Variants in ROS1 observed in about 807,000 individuals in gnomAD.
The protein encoded by ROS1 is proto-oncogene tyrosine-protein kinase ROS.
Under a neutral mutation model 273.5 loss-of-function variants are expected in ROS1, and 263 were observed. The observed-to-expected ratio is 0.96, with a 90% CI of 0.87 to 1.06. ROS1 has a LOEUF of 1.06. Ranked by LOEUF, ROS1 falls within the 50% of genes least tolerant of loss-of-function variation. The pLI, the probability that ROS1 is intolerant of heterozygous loss-of-function variation, is 0.00. For missense variants in ROS1, 2,833 were observed against 2,751.1 expected (o/e 1.03, Z -0.67); for synonymous variants, 1,008 against 954.1 (o/e 1.06, Z -1.04).
chr6:117,418,876 G>A lies in ROS1; in HGVS notation c.124-370C>T, dbSNP rs561241412. ...TTTCCTTTTTAAAATTAAGAGCAGG[G>A]AGAAAATGCAAATTGGTATGTAGTA... On this transcript the variant is annotated intron_variant, in intron 1 of 43. Coordinates refer to ENST00000368507, the MANE Select transcript of ROS1 (RefSeq NM_001378902.1). Among the ~76,000 whole-genome samples, 13 of 152,240 alleles carry A rather than the reference G, an allele frequency of 8.5e-5. No homozygotes were observed. In the South Asian group the frequency reaches 2.7e-3, roughly 32 times the overall value.
chr6:117,304,475 C>T (rs976096012), intron 42 of ROS1, among the ~76,000 whole-genome samples: 23 of 152,184 alleles, frequency 1.5e-4, no homozygotes, highest in African/African-American at 5.3e-4. Context: ...ACAGTTGTCC[C>T]TCCTTATCAG....
rs1466068877 is a variant in ROS1 at position 117,394,187 on chromosome 6, C to A, written c.1166G>T (p.Arg389Ile). The change falls in exon 11 of 44, where the codon AGA becomes ATA. Residue 389 changes from arginine to isoleucine, a missense_variant. Physicochemically the swap from Arg to Ile is moderately conservative, Grantham distance 97. Coordinates refer to ENST00000368507, the MANE Select transcript of ROS1 (RefSeq NM_001378902.1). ...CAGTTCATCCATGATGAAATACATT[C>A]TTTGATAAAGCCAATCTATGGAGAT... ...SSISIDWLYQRMYFIMDELVC... is the reference protein window; with the variant it reads ...SSISIDWLYQIMYFIMDELVC... The A allele has an allele frequency of 1.3e-6, 2 of 1,592,904 alleles. No homozygotes were observed. Among genetic ancestry groups the A allele is most frequent in the Admixed American group, 1.8e-5 (1 of 56,562 alleles).
intron 1 of ROS1, among the ~76,000 whole-genome samples, 163 bp downstream of exon 1, chr6:117,425,371 G>A (rs564350961): frequency 6.6e-6 from 1 of 152,200 alleles, no homozygotes; most frequent in Non-Finnish European, 1.5e-5. Context: ...GCAATTATAA[G>A]GGCTCCTAAC....
intron 37 of ROS1, among the ~76,000 whole-genome samples, chr6:117,318,699 C>G (rs1350600681): frequency 3.3e-5 from 5 of 152,174 alleles, no homozygotes; most frequent in South Asian, 4.1e-4. Flanking sequence ...GGTCATATAA[C>G]TCGGTGATGG....
At chr6:117,405,808 T>C (rs1774351648) in intron 5 of ROS1, among the ~76,000 whole-genome samples, 1 of 152,194 alleles carries the variant, frequency 6.6e-6, no homozygotes, top group Non-Finnish European at 1.5e-5. Context: ...ACCAGGCAGC[T>C]GGGTTATACT....
intron 5 of ROS1, among the ~76,000 whole-genome samples, chr6:117,407,695 C>T (rs1445722752): frequency 6.6e-6 from 1 of 152,192 alleles, no homozygotes; most frequent in African/African-American, 2.4e-5. Context: ...TGACTTTCTT[C>T]ACAGAATTAG....
At chr6:117,407,817 C>T (rs193107996) in intron 5 of ROS1, among the ~76,000 whole-genome samples, 229 of 152,314 alleles carry the variant, frequency 1.5e-3, no homozygotes, top group African/African-American at 5.1e-3. Context: ...TCACATTATA[C>T]TACAATGCTA....
intron 4 of ROS1, among the ~76,000 whole-genome samples, chr6:117,412,613 T>TAGAC (rs1003040407): frequency 5.9e-4 from 54 of 91,026 alleles, no homozygotes; most frequent in Admixed American, 2.9e-3. Context: ...GACAGATAGA[T>TAGAC]AGATAGATAG....
In ROS1 at chr6:117,341,271, C is replaced by T. The variant is rs1421889146; in HGVS notation, c.4925G>A (p.Ser1642Asn). The T allele has an allele frequency of 5.0e-6, 8 of 1,613,500 alleles. No individual in the cohort carries two copies. Among genetic ancestry groups the T allele is most frequent in the African/African-American group, 2.7e-5 (2 of 74,890 alleles). Residue 1642 changes from serine to asparagine, a missense_variant, in exon 31 of 44, where the codon AGT becomes AAT. Ser to Asn is a conservative substitution (Grantham distance 46). Transcript: ENST00000368507. ...CHSEEMWCTE[S>N]HPVTVEMFNT... ...AAACATTTCCACAGTGACAGGATGA[C>T]TCTCTGTACACCACATTTCCTCAGA...
Position 117,321,326 on chromosome 6 carries a change from T to C in ROS1, c.5692A>G (p.Lys1898Glu), listed in dbSNP as rs752993568. The C allele has an allele frequency of 1.2e-6, 2 of 1,613,706 alleles. No homozygotes were observed. Among genetic ancestry groups the C allele is most frequent in the Non-Finnish European group, 1.7e-6 (2 of 1,179,844 alleles). ...EGVTVLINEDKELAELRGLAA... is the reference protein window; with the variant it reads ...EGVTVLINEDEELAELRGLAA... ...AGACCTCGCAGCTCAGCCAACTCTT[T>C]GTCTTCGTTTATAAGCACTGTCACC... The change falls in exon 36 of 44, where the codon AAA becomes GAA. Residue 1898 changes from lysine (K) to glutamate (E), a missense_variant. By Grantham distance (56) the Lys-to-Glu change is moderately conservative. Transcript: ENST00000368507.
Position 117,403,278 on chromosome 6 carries a change from C to G in ROS1, c.466-1G>C. The G allele has an allele frequency of 6.2e-7, 1 of 1,611,546 alleles. No homozygotes were observed. On this transcript the variant is annotated splice_acceptor_variant, in intron 6 of 43. Coordinates refer to ENST00000368507, the MANE Select transcript of ROS1 (RefSeq NM_001378902.1). LOFTEE classifies it high-confidence loss of function. The stretch of plus-strand genomic sequence containing the variant: ...CCACATAGGACGGTCTGGACACAGT[C>G]TAGATCAAGGAGTGATCAATCATCA...
At chr6:117,369,984 C>T (rs917898558) in intron 18 of ROS1, among the ~76,000 whole-genome samples, 4 of 151,816 alleles carry the variant, frequency 2.6e-5, no homozygotes, top group Non-Finnish European at 4.4e-5. Context: ...CATATATGTA[C>T]ATACGGATGT....
intron 32 of ROS1, among the ~76,000 whole-genome samples, chr6:117,329,786 C>G (rs376525851): frequency 6.6e-6 from 1 of 152,126 alleles, no homozygotes; most frequent in Admixed American, 6.5e-5. Context: ...GAGCGGCGAG[C>G]GAGCAGGCTA....
At chr6:117,344,817 C>T (rs1341749371) in intron 27 of ROS1, among the ~76,000 whole-genome samples, 1 of 152,118 alleles carries the variant, frequency 6.6e-6, no homozygotes, top group Non-Finnish European at 1.5e-5. Flanking sequence ...TACAACCAAA[C>T]ACCTTGCACG....
chr6:117,415,311 A>T (rs1273779848), intron 3 of ROS1, among the ~76,000 whole-genome samples: 1 of 152,250 alleles, frequency 6.6e-6, no homozygotes, highest in Non-Finnish European at 1.5e-5. Context: ...AGGACACACT[A>T]TATAAGTAAA....
chr6:117,329,580 A>G, intron 32 of ROS1, 134 bp from the exon 33 acceptor site: 1 of 574,572 alleles, frequency 1.7e-6, no homozygotes, highest in Non-Finnish European at 3.1e-6. Flanking sequence ...AAGATGGCCG[A>G]CTAGAAGCAA....
rs549553616 is a variant in ROS1, at chr6:117,338,429, T to C, written c.5062-1089A>G. On this transcript the variant is annotated intron_variant, in intron 31 of 43. Transcript: ENST00000368507. ...AGGGACATTGCCTGCACTAAACTCA[T>C]AAATGTATCAATCCTGCTGAGACAT... Among the ~76,000 whole-genome samples the C allele has an allele frequency of 4.0e-5, 6 of 151,834 alleles. No homozygotes were observed. The South Asian group carries it at 1.0e-3, about 26-fold the overall frequency.
chr6:117,348,021 G>A (rs780761586), intron 27 of ROS1, among the ~76,000 whole-genome samples: 27 of 151,908 alleles, frequency 1.8e-4, no homozygotes, highest in Non-Finnish European at 2.9e-4. Flanking sequence ...GAGAGACACC[G>A]GTCTAAAATT....
intron 26 of ROS1, 76 bp downstream of exon 26, chr6:117,356,553 T>C (rs1165059323): frequency 3.8e-6 from 5 of 1,307,708 alleles, no homozygotes; most frequent in Admixed American, 3.9e-5. Context: ...ATACGCGGAA[T>C]GCAAGCCCTT....
Sources: allele counts gnomAD v4.1 joint callset (sites outside exome capture counted in the v4.1 genomes callset), GRCh38; gene constraint gnomAD v4.1.1; transcripts MANE v1.5; gene names NCBI Gene and HGNC (gene_info 2026-07-23, HGNC 2026-07-21).